FARP1: variants seen among roughly 807,000 people sequenced by gnomAD.
FARP1 encodes the protein FERM, ARH/RhoGEF and pleckstrin domain protein 1.
In FARP1, 52 loss-of-function variants were observed where a neutral mutation model predicts 128.8. The ratio of observed to expected loss-of-function variants is 0.40; its 90% CI spans 0.32 to 0.51. The LOEUF (loss-of-function observed/expected upper bound fraction) is 0.51. Among genes scored for constraint, FARP1 ranks in the 20% least tolerant of loss-of-function variants. FARP1 has a pLI of 0.45. For synonymous variants in FARP1, 580 were observed against 551.8 expected, an observed-to-expected ratio of 1.05 and a Z score of -0.72; for missense variants, 1,333 against 1,367.9, an observed-to-expected ratio of 0.97 and a Z score of 0.40.
At chr13:98,265,311 ATTTTTTTTTTTTT>A (rs60809416) in intron 2 of FARP1, among the ~76,000 whole-genome samples, 9 of 60,256 alleles carry the variant, frequency 1.5e-4, no homozygotes, top group South Asian at 9.4e-4. Context: ...TCCTTCCTGA[ATTTTTTTTTTTTT>A]TTTTTTTTTT....
At chr13:98,445,117 A>G (rs2139158979) in intron 24 of FARP1, 1 of 152,412 alleles carries the variant, frequency 6.6e-6, no homozygotes, top group Middle Eastern at 3.4e-3. Flanking sequence ...ACATCAGACC[A>G]TTTGATCCCA....
intron 17 of FARP1, among the ~76,000 whole-genome samples, chr13:98,430,327 A>G (rs1891962412): frequency 6.6e-6 from 1 of 152,236 alleles, no homozygotes; most frequent in South Asian, 2.1e-4. Flanking sequence ...TTATCAAGTG[A>G]GACTTGAAGA....
chr13:98,341,198 TCTGTTTCATG>T (rs1180155856), intron 2 of FARP1, among the ~76,000 whole-genome samples: 31 of 152,056 alleles, frequency 2.0e-4, no homozygotes, highest in Non-Finnish European at 3.7e-4. Context: ...TCTTGGCTCC[TCTGTTTCATG>T]CTGGTACAGG....
At chr13:98,281,664 A>G (rs1884942684) in intron 2 of FARP1, among the ~76,000 whole-genome samples, 1 of 152,214 alleles carries the variant, frequency 6.6e-6, no homozygotes, top group Non-Finnish European at 1.5e-5. Flanking sequence ...CTAACTGCAA[A>G]CAAGAAATCT....
chr13:98,219,745 C>T (rs558733405), intron 2 of FARP1, among the ~76,000 whole-genome samples: 6 of 152,316 alleles, frequency 3.9e-5, no homozygotes, highest in African/African-American at 9.6e-5. Flanking sequence ...GGCTCACTGC[C>T]GCCTTGACCT....
intron 1 of FARP1, among the ~76,000 whole-genome samples, chr13:98,146,089 T>C (rs769629473): frequency 4.6e-4 from 70 of 152,168 alleles, no homozygotes; most frequent in Non-Finnish European, 9.4e-4. Flanking sequence ...AAACAACTCT[T>C]TTCATCCTGG....
At chr13:98,261,827 G>T (rs2389983) in intron 2 of FARP1, among the ~76,000 whole-genome samples, 125,845 of 152,020 alleles carry the variant, frequency 0.83, 52,428 homozygotes, top group East Asian at 1. Flanking sequence ...ACTCACTGTT[G>T]CTGTGGGGAG....
chr13:98,414,038 G>A lies in FARP1; in HGVS notation c.1826+2004G>A, dbSNP rs184856532. 2.4e-4 allele frequency among the ~76,000 whole-genome samples: 37 copies of A among 152,268 alleles called. 1 individual carries two copies. The highest frequency in any genetic ancestry group is 8.5e-4 in the Admixed American group (13 of 15,300). On this transcript the variant is annotated intron_variant, in intron 16 of 26. Coordinates refer to ENST00000319562, the MANE Select transcript of FARP1 (RefSeq NM_005766.4). ...TTTGGCTGGCTCCCCATTGGAGGGC[G>A]CCACCAGAGAGAAATGCAGAGAGCT...
chr13:98,395,216 A>G lies in FARP1; in HGVS notation c.1165-11A>G. On this transcript the variant is annotated splice_polypyrimidine_tract_variant and intron_variant, in intron 12 of 26. Coordinates refer to ENST00000319562, the MANE Select transcript of FARP1 (RefSeq NM_005766.4). ...TCTATCTCTCCGCACCTTTTTCCCC[A>G]CCCCACCCAGTCTCAGCAGAGCACC... 6.3e-7 allele frequency: 1 copy of G among 1,581,576 alleles called. No homozygotes were observed. Among genetic ancestry groups the G allele is most frequent in the Non-Finnish European group, 8.6e-7 (1 of 1,156,936 alleles).
At chr13:98,445,700 CT>C (rs1476917146) in intron 24 of FARP1, 1 of 157,178 alleles carries the variant, frequency 6.4e-6, no homozygotes, top group African/African-American at 2.4e-5. Context: ...GGGCACACCC[CT>C]CTCCCCTCAA....
intron 2 of FARP1, among the ~76,000 whole-genome samples, chr13:98,221,255 T>C (rs1881398261): frequency 6.6e-6 from 1 of 152,210 alleles, no homozygotes; most frequent in African/African-American, 2.4e-5. Flanking sequence ...TTAGTTTCCT[T>C]CTTGTTCTTT....
chr13:98,298,679 G>A (rs1358245686), intron 2 of FARP1, among the ~76,000 whole-genome samples: 2 of 152,028 alleles, frequency 1.3e-5, no homozygotes, highest in African/African-American at 4.8e-5. Context: ...TAATTCTTTG[G>A]TTATGGGACA....
chr13:98,285,508 A>T (rs920942741), intron 2 of FARP1, among the ~76,000 whole-genome samples: 2 of 152,208 alleles, frequency 1.3e-5, no homozygotes, highest in Non-Finnish European at 2.9e-5. Flanking sequence ...AGACATTAAA[A>T]CATGCTCATT....
intron 2 of FARP1, among the ~76,000 whole-genome samples, chr13:98,281,165 C>T (rs1884918424): frequency 6.6e-6 from 1 of 152,084 alleles, no homozygotes; most frequent in Admixed American, 6.5e-5. Context: ...ACTAGCCTGG[C>T]CAACATGGTA....
intron 2 of FARP1, among the ~76,000 whole-genome samples, chr13:98,318,445 T>C (rs1886839283): frequency 6.6e-6 from 1 of 152,226 alleles, no homozygotes; most frequent in East Asian, 1.9e-4. Context: ...TTCCTTACTT[T>C]AACCGTGGCC....
At chr13:98,285,973 T>A (rs1423728627) in intron 2 of FARP1, among the ~76,000 whole-genome samples, 2 of 152,170 alleles carry the variant, frequency 1.3e-5, no homozygotes, top group Non-Finnish European at 2.9e-5. Context: ...TCCCTCTGCA[T>A]GCAGACCTAT....
Position 98,446,405 on chromosome 13 carries a change from A to G in FARP1, c.2904+200A>G. On this transcript the variant is annotated intron_variant, in intron 25 of 26. Transcript: ENST00000319562. ...TGACATTATCATCCACTGAAGGACA[A>G]CTTCTGCCCTAGGAAGGGCCACCTG... 4 of 600,610 alleles carry G rather than the reference A, an allele frequency of 6.7e-6. No individual in the cohort carries two copies. The South Asian group carries it at 8.0e-5, about 12-fold the overall frequency. The allele number at this position is 600,610 out of a possible 1,614,324, so 37.2% of individuals were successfully genotyped here.
intron 1 of FARP1, among the ~76,000 whole-genome samples, chr13:98,181,096 A>G (rs1878474374): frequency 6.6e-6 from 1 of 152,092 alleles, no homozygotes. Flanking sequence ...TGCTTTCTGA[A>G]AGAGTTGTAT....
intron 2 of FARP1, among the ~76,000 whole-genome samples, chr13:98,223,417 C>T (rs547568823): frequency 1.2e-4 from 19 of 152,332 alleles, no homozygotes; most frequent in African/African-American, 2.4e-4. Context: ...CCTCCGCCTC[C>T]GGGGTTCAAG....
Sources: gnomAD v4.1 joint callset for allele counts (sites outside exome capture counted in the v4.1 genomes callset) on GRCh38, gnomAD v4.1.1 for gene constraint, MANE v1.5 for transcripts, NCBI Gene and HGNC (gene_info 2026-07-23, HGNC 2026-07-21) for gene names.